CTCF: variants seen among roughly 807,000 people sequenced by gnomAD.
The protein encoded by CTCF is transcriptional repressor CTCF.
In CTCF, 7 loss-of-function variants were observed where a neutral mutation model predicts 72.3. The observed-to-expected ratio is 0.10, with a 90% CI of 0.06 to 0.18. The LOEUF (loss-of-function observed/expected upper bound fraction) is 0.18. CTCF is among the 10% of genes least tolerant of loss of function. CTCF has a pLI of 1.00. For missense variants in CTCF, 516 were observed against 949.1 expected (o/e 0.54, Z 6.00); for synonymous variants, 374 against 315.8 (o/e 1.18, Z -1.95).
chr16:67,592,649 G>A (rs2051760493), intron 2 of CTCF, among the ~76,000 whole-genome samples: 1 of 151,960 alleles, frequency 6.6e-6, no homozygotes, highest in Non-Finnish European at 1.5e-5. Context: ...AAGTCGCAGT[G>A]AGCCAAGATC....
intron 2 of CTCF, among the ~76,000 whole-genome samples, chr16:67,572,321 A>G (rs2051434075): frequency 6.6e-6 from 1 of 152,220 alleles, no homozygotes; most frequent in South Asian, 2.1e-4. Flanking sequence ...GTGTTGACAC[A>G]GAGTGCATAC....
intron 11 of CTCF, among the ~76,000 whole-genome samples, 198 bp from the exon 12 acceptor site, chr16:67,637,490 C>A (rs1021809152): frequency 6.6e-6 from 1 of 152,200 alleles, no homozygotes; most frequent in Non-Finnish European, 1.5e-5. Context: ...TGAGATCATG[C>A]CCGTGCACTC....
intron 2 of CTCF, among the ~76,000 whole-genome samples, chr16:67,591,813 C>T (rs755721915): frequency 6.6e-6 from 1 of 151,826 alleles, no homozygotes; most frequent in Non-Finnish European, 1.5e-5. Context: ...TGGGCTCAGG[C>T]GATCCTCCCG....
At chr16:67,566,147 A>G (rs1011206715) in intron 1 of CTCF, among the ~76,000 whole-genome samples, 2 of 152,156 alleles carry the variant, frequency 1.3e-5, no homozygotes, top group African/African-American at 2.4e-5. Flanking sequence ...CAGATGCATT[A>G]TGATTTAAAA....
At chr16:67,610,753 G>C in intron 2 of CTCF, 71 bp from the exon 3 acceptor site, 1 of 1,175,804 alleles carries the variant, frequency 8.5e-7, no homozygotes, top group Non-Finnish European at 1.2e-6. Flanking sequence ...GGGTCTTTTT[G>C]TTTTAAAATG....
chr16:67,600,952 C>G (rs2051878255), intron 2 of CTCF, among the ~76,000 whole-genome samples: 1 of 152,014 alleles, frequency 6.6e-6, no homozygotes, highest in African/African-American at 2.4e-5. Context: ...GCGACTCAAG[C>G]AAGCATAGAG....
rs148707047 is a variant in CTCF, at chr16:67,586,997, G to T, written c.-10+15733G>T. Among the ~76,000 whole-genome samples the T allele has an allele frequency of 1.2e-4, 18 of 150,958 alleles. No homozygotes were observed. In the East Asian group the frequency reaches 3.3e-3, roughly 28 times the overall value. ...TTTTGTAAAGACAAGGTTTTGCCATGTTGCTTAGGCTTGTCCCATCTCTTG... is the reference window on the plus strand; with the variant it reads ...TTTTGTAAAGACAAGGTTTTGCCATTTTGCTTAGGCTTGTCCCATCTCTTG... On this transcript the variant is annotated intron_variant, in intron 2 of 11. Coordinates refer to ENST00000264010, the MANE Select transcript of CTCF (RefSeq NM_006565.4).
At chr16:67,606,984 G>A (rs1236813185) in intron 2 of CTCF, among the ~76,000 whole-genome samples, 5 of 151,646 alleles carry the variant, frequency 3.3e-5, no homozygotes, top group African/African-American at 9.7e-5. Flanking sequence ...ACAGAGGCTC[G>A]CTCTGTTGCC....
intron 1 of CTCF, among the ~76,000 whole-genome samples, chr16:67,564,333 T>G (rs2051316160): frequency 6.6e-6 from 1 of 152,240 alleles, no homozygotes; most frequent in Admixed American, 6.5e-5. Context: ...ATTAACCTGT[T>G]TTTAGGAAGG....
chr16:67,612,747 A>G (rs1259836169), intron 4 of CTCF, among the ~76,000 whole-genome samples: 1 of 152,120 alleles, frequency 6.6e-6, no homozygotes, highest in African/African-American at 2.4e-5. Flanking sequence ...AGCCTGGCCA[A>G]CGTGACAAAA....
intron 2 of CTCF, among the ~76,000 whole-genome samples, chr16:67,586,676 T>G (rs938724976): frequency 1.6e-4 from 24 of 152,182 alleles, no homozygotes; most frequent in African/African-American, 5.8e-4. Context: ...AACATTTTGT[T>G]TCTTTTGTTG....
chr16:67,622,669 G>A lies in CTCF; in HGVS notation c.1357+1078G>A, dbSNP rs1221359032. Among the ~76,000 whole-genome samples, 6 of 145,284 alleles carry A rather than the reference G, an allele frequency of 4.1e-5. No homozygotes were observed. In the Admixed American group the frequency reaches 4.2e-4, roughly 10 times the overall value. On this transcript the variant is annotated intron_variant, in intron 7 of 11. Transcript: ENST00000264010. ...TTTTTTTTTTTTTTTTTGAGATGGA[G>A]TTTTCCTCTCGTCACCCAGGCTGGA... is the stretch of plus-strand genomic sequence containing the variant.
intron 7 of CTCF, among the ~76,000 whole-genome samples, chr16:67,625,522 G>T (rs144632489): frequency 6.6e-6 from 1 of 152,162 alleles, no homozygotes; most frequent in Non-Finnish European, 1.5e-5. Flanking sequence ...CTCAAAGCAT[G>T]ACCCATTCTT....
intron 2 of CTCF, among the ~76,000 whole-genome samples, chr16:67,576,120 G>A (rs1011972055): frequency 2.2e-5 from 3 of 137,782 alleles, no homozygotes; most frequent in East Asian, 2.3e-4. Context: ...TAGCCTGGGT[G>A]ACAGAGTGAG....
intron 2 of CTCF, among the ~76,000 whole-genome samples, chr16:67,575,378 A>G (rs575474911): frequency 6.6e-6 from 1 of 152,192 alleles, no homozygotes; most frequent in African/African-American, 2.4e-5. Flanking sequence ...AGTCCTGGCC[A>G]TGCAGCTTAA....
chr16:67,577,577 A>G (rs992180860), intron 2 of CTCF, among the ~76,000 whole-genome samples: 1 of 149,940 alleles, frequency 6.7e-6, no homozygotes, highest in Admixed American at 6.7e-5. Context: ...AGCTGGGACT[A>G]CAGGCGCCTG....
chr16:67,624,572 C>A (rs982730237), intron 7 of CTCF, among the ~76,000 whole-genome samples: 5 of 151,950 alleles, frequency 3.3e-5, no homozygotes, highest in African/African-American at 1.2e-4. Flanking sequence ...TCTCACTGGC[C>A]TTAACTCCAA....
At chr16:67,565,004 C>A (rs1329901680) in intron 1 of CTCF, among the ~76,000 whole-genome samples, 1 of 151,734 alleles carries the variant, frequency 6.6e-6, no homozygotes, top group Non-Finnish European at 1.5e-5. Context: ...GTAACCCAGA[C>A]CTTTTTTTTT....
intron 5 of CTCF, among the ~76,000 whole-genome samples, chr16:67,617,648 G>T (rs1336824295): frequency 6.6e-6 from 1 of 152,074 alleles, no homozygotes; most frequent in Non-Finnish European, 1.5e-5. Flanking sequence ...TGCCATTGCA[G>T]TCCAGCCTGG....
Sources: allele counts gnomAD v4.1 joint callset (sites outside exome capture counted in the v4.1 genomes callset), GRCh38; gene constraint gnomAD v4.1.1; transcripts MANE v1.5; gene names NCBI Gene and HGNC (gene_info 2026-07-23, HGNC 2026-07-21).